EVL: variants seen among roughly 807,000 people sequenced by gnomAD.
The protein encoded by EVL is ena/VASP-like protein.
EVL carries 21 observed loss-of-function variants against 59.6 expected under a neutral mutation model. The ratio of observed to expected loss-of-function variants is 0.35; its 90% confidence interval spans 0.25 to 0.51. EVL has a LOEUF of 0.51. EVL is among the 20% of genes least tolerant of loss of function. The pLI is 0.97. For missense variants in EVL, 462 were observed against 546.6 expected (o/e 0.85, Z 1.54); for synonymous variants, 198 against 203.5 (o/e 0.97, Z 0.23).
intron 1 of EVL, among the ~76,000 whole-genome samples, chr14:100,044,822 T>TTCA (rs1372802831): frequency 6.6e-6 from 1 of 152,006 alleles, no homozygotes; most frequent in East Asian, 1.9e-4. Context: ...GATGTAAGGG[T>TTCA]TGAAGCAGGC....
At position 100,144,159 on chromosome 14, in the gene EVL, G is replaced by A. The variant is rs1307197738; in HGVS notation, c.*421G>A. The A allele has an allele frequency of 4.9e-6, 1 of 205,886 alleles. No homozygotes were observed. Among genetic ancestry groups the A allele is most frequent in the Admixed American group, 5.4e-5 (1 of 18,622 alleles). 12.8% of individuals were successfully genotyped at this position (205,886 alleles called of 1,614,324 possible). On this transcript the variant is annotated 3_prime_UTR_variant, in exon 14 of 14. Coordinates refer to ENST00000392920, the MANE Select transcript of EVL (RefSeq NM_016337.3). ...CTGTCCAGGCACAGCTCCGTCCCCA[G>A]CGCTCATGGTGTTGAAACTGTCTGT... is the stretch of plus-strand genomic sequence containing the variant.
At chr14:99,988,178 A>G (rs1226335523) in intron 1 of EVL, among the ~76,000 whole-genome samples, 3 of 151,990 alleles carry the variant, frequency 2.0e-5, no homozygotes, top group Non-Finnish European at 4.4e-5. Flanking sequence ...GACCTCCCAA[A>G]GTGCTGGGAT....
chr14:100,044,087 C>G (rs1202948097), intron 1 of EVL, among the ~76,000 whole-genome samples: 1 of 152,200 alleles, frequency 6.6e-6, no homozygotes, highest in Non-Finnish European at 1.5e-5. Context: ...AGAAATAACA[C>G]TTTACCTGCT....
At chr14:100,097,810 G>C in intron 3 of EVL, 152 bp downstream of exon 3, 1 of 615,798 alleles carries the variant, frequency 1.6e-6, no homozygotes. Flanking sequence ...CCTGCCTTTA[G>C]ATTTAGAGAT....
At chr14:100,058,965 G>A (rs1018408762) in intron 1 of EVL, among the ~76,000 whole-genome samples, 3 of 152,186 alleles carry the variant, frequency 2.0e-5, no homozygotes, top group Non-Finnish European at 4.4e-5. Flanking sequence ...GAAGGACAGA[G>A]GAAATGAGGG....
chr14:100,030,257 A>G (rs935097630), intron 1 of EVL, among the ~76,000 whole-genome samples: 3 of 143,210 alleles, frequency 2.1e-5, no homozygotes, highest in Admixed American at 7.0e-5. Context: ...ACGCCCGGCT[A>G]TTTTTTTTTT....
At chr14:100,128,424 C>T (rs1888215753) in intron 5 of EVL, 95 bp from the exon 6 acceptor site, 2 of 1,269,250 alleles carry the variant, frequency 1.6e-6, no homozygotes, top group South Asian at 1.2e-5. Context: ...GAGCAGCCTG[C>T]CCCTGTCCTT....
intron 1 of EVL, among the ~76,000 whole-genome samples, chr14:99,990,498 C>T (rs192871390): frequency 1.3e-5 from 2 of 152,204 alleles, no homozygotes; most frequent in Non-Finnish European, 2.9e-5. Flanking sequence ...CTAATTCCCA[C>T]TTTCCCTCTC....
chr14:100,012,545 T>G (rs544719002), intron 1 of EVL, among the ~76,000 whole-genome samples: 1 of 152,384 alleles, frequency 6.6e-6, no homozygotes, highest in East Asian at 1.9e-4. Context: ...TTGATGTTTG[T>G]ACTGGAAAGA....
chr14:100,055,817 C>CTTTTTCTTTTTCTTTT (rs79548235), intron 1 of EVL, among the ~76,000 whole-genome samples: 14,381 of 152,146 alleles, frequency 0.095, 1,156 homozygotes, highest in African/African-American at 0.22. Context: ...CTTTTTCTTT[C>CTTTTTCTTTTTCTTTT]TCTTTTTCTT....
chr14:100,012,546 A>T (rs2061023242), intron 1 of EVL, among the ~76,000 whole-genome samples: 1 of 152,210 alleles, frequency 6.6e-6, no homozygotes, highest in Non-Finnish European at 1.5e-5. Context: ...TGATGTTTGT[A>T]CTGGAAAGAG....
intron 3 of EVL, among the ~76,000 whole-genome samples, chr14:100,101,278 A>T (rs1187212380): frequency 6.6e-6 from 1 of 152,192 alleles, no homozygotes; most frequent in East Asian, 1.9e-4. Context: ...TGAGGTCGGG[A>T]GTTCCAAGAC....
rs753712725 is a variant in EVL at position 100,065,485 on chromosome 14, C to G, written c.-16C>G. The G allele has an allele frequency of 6.6e-6, 10 of 1,516,840 alleles. No individual in the cohort carries two copies. Among genetic ancestry groups the G allele is most frequent in the Non-Finnish European group, 8.9e-6 (10 of 1,121,154 alleles). 94.0% of individuals were successfully genotyped at this position (1,516,840 alleles called of 1,614,324 possible). On this transcript the variant is annotated 5_prime_UTR_variant, in exon 1 of 14. Coordinates refer to ENST00000392920, the MANE Select transcript of EVL (RefSeq NM_016337.3). Reference sequence around the variant, plus strand: ...ACTCGCCTCCTCAGGGTTCCCTGTGCTGCCACTTTTCAGCCATGGCCACAA... The same window carrying G: ...ACTCGCCTCCTCAGGGTTCCCTGTGGTGCCACTTTTCAGCCATGGCCACAA...
chr14:100,022,789 A>G (rs1481445660), intron 1 of EVL, among the ~76,000 whole-genome samples: 1 of 152,212 alleles, frequency 6.6e-6, no homozygotes, highest in Non-Finnish European at 1.5e-5. Context: ...AAAGCAAGCA[A>G]GCTATCCAGC....
intron 1 of EVL, among the ~76,000 whole-genome samples, chr14:100,013,502 A>T (rs2061030459): frequency 6.6e-6 from 1 of 152,170 alleles, no homozygotes. Flanking sequence ...TCTCAGGGAG[A>T]TAGGAGTAGA....
Position 100,109,687 on chromosome 14 carries a change from T to C in EVL, c.358+12029T>C. ...GGCTCAAGGTGAGGGGTGCTATCTG[T>C]GATTGAGGGACATGGTTAATGGAAT... On this transcript the variant is annotated intron_variant, in intron 3 of 13. Transcript: ENST00000392920. The surrounding 1 kb of genome is among the most constrained non-coding windows in gnomAD (Gnocchi z 4.3). 1.9e-6 allele frequency: 1 copy of C among 532,612 alleles called. No homozygotes were observed. 33.0% of individuals were successfully genotyped at this position (532,612 alleles called of 1,614,324 possible).
At chr14:100,079,981 T>A (rs1473508246) in intron 1 of EVL, among the ~76,000 whole-genome samples, 2 of 152,166 alleles carry the variant, frequency 1.3e-5, no homozygotes, top group East Asian at 3.9e-4. Flanking sequence ...TTGAAATGCA[T>A]TACTGATTTC....
intron 4 of EVL, 30 bp downstream of exon 4, chr14:100,123,632 G>T (rs768073100): frequency 9.3e-6 from 15 of 1,612,612 alleles, no homozygotes; most frequent in African/African-American, 1.3e-5. Flanking sequence ...GGCCAGGCTG[G>T]TCATCTCCCA....
chr14:100,133,042 C>G (rs984530298), intron 8 of EVL, among the ~76,000 whole-genome samples: 1 of 152,248 alleles, frequency 6.6e-6, no homozygotes, highest in Non-Finnish European at 1.5e-5. Flanking sequence ...GCCGCTGCAC[C>G]GCAGGGCTAC....
Sources: allele counts gnomAD v4.1 joint callset (sites outside exome capture counted in the v4.1 genomes callset), GRCh38; gene constraint gnomAD v4.1.1; non-coding constraint Gnocchi (gnomAD v3.1); transcripts MANE v1.5; gene names NCBI Gene and HGNC (gene_info 2026-07-23, HGNC 2026-07-21).